Variants in CUL1 observed in about 807,000 individuals in gnomAD.
CUL1 encodes the protein cullin 1.
CUL1 carries 24 observed loss-of-function variants against 118.0 expected under a neutral mutation model. That is an observed-to-expected ratio of 0.20 (90% confidence interval 0.15 to 0.29). The LOEUF (loss-of-function observed/expected upper bound fraction) is 0.29, where lower values mean the gene tolerates loss of function less well. Ranked by LOEUF, CUL1 falls within the 10% of genes least tolerant of loss-of-function variation. The pLI, the probability that CUL1 is intolerant of heterozygous loss-of-function variation, is 1.00. For missense variants in CUL1, 361 were observed against 933.8 expected (o/e 0.39, Z 7.99); for synonymous variants, 332 against 340.4 (o/e 0.98, Z 0.27).
chr7:148,701,232 C>G (rs546468804), intron 1 of CUL1, among the ~76,000 whole-genome samples: 2 of 152,166 alleles, frequency 1.3e-5, no homozygotes, highest in East Asian at 1.9e-4. Flanking sequence ...ACAGAAAACA[C>G]AGTCGTTGTG....
At chr7:148,739,102 TCA>T (rs1199640928) in intron 2 of CUL1, among the ~76,000 whole-genome samples, 1 of 152,196 alleles carries the variant, frequency 6.6e-6, no homozygotes, top group Non-Finnish European at 1.5e-5. Flanking sequence ...TACATCCGTT[TCA>T]CAGTCCTTCC....
intron 2 of CUL1, among the ~76,000 whole-genome samples, chr7:148,746,134 G>T (rs1584786277): frequency 6.6e-6 from 1 of 151,682 alleles, no homozygotes; most frequent in Non-Finnish European, 1.5e-5. Flanking sequence ...GGGGGAGGAA[G>T]TAATGGTGGG....
chr7:148,790,625 G>A (rs1235774606), intron 16 of CUL1, among the ~76,000 whole-genome samples, 184 bp downstream of exon 16: 1 of 152,208 alleles, frequency 6.6e-6, no homozygotes, highest in South Asian at 2.1e-4. Context: ...TCTGGCTGGG[G>A]AGCAAGTTAT....
At chr7:148,766,451 A>T (rs1800010817) in intron 7 of CUL1, 110 bp from the exon 8 acceptor site, 4 of 912,636 alleles carry the variant, frequency 4.4e-6, no homozygotes, top group Non-Finnish European at 6.5e-6. Flanking sequence ...TAGAGCTGGC[A>T]TGTGAATTTA....
intron 1 of CUL1, among the ~76,000 whole-genome samples, chr7:148,699,539 T>C (rs970295462): frequency 3.9e-5 from 6 of 152,138 alleles, no homozygotes; most frequent in Non-Finnish European, 7.4e-5. Flanking sequence ...TGTTCCCCTG[T>C]GAGCTCTGGG....
intron 1 of CUL1, among the ~76,000 whole-genome samples, chr7:148,723,436 C>T (rs1202854269): frequency 6.6e-6 from 1 of 152,144 alleles, no homozygotes; most frequent in Non-Finnish European, 1.5e-5. Flanking sequence ...CAACTGCCCT[C>T]CTGTAGAGCT....
At chr7:148,799,056 A>G (rs1801303737) in intron 20 of CUL1, among the ~76,000 whole-genome samples, 1 of 152,132 alleles carries the variant, frequency 6.6e-6, no homozygotes, top group African/African-American at 2.4e-5. Context: ...AAATTGCTCA[A>G]AAGACCCAAA....
Position 148,759,552 on chromosome 7 carries a change from CA to C in CUL1, c.542del (p.Asn181MetfsTer4). The C allele has an allele frequency of 6.3e-7, 1 of 1,597,712 alleles. No individual in the cohort carries two copies. The highest frequency in any genetic ancestry group is 1.3e-5 in the African/African-American group (1 of 74,404). ...CLFRPLNKQV[T>X]NAVLKLIEKE... ...TTTTCTACATCCTTTCTAAAGGTAA[CA>C]AATGCTGTTTTAAAGCTGATTGAAA... On this transcript the variant is annotated frameshift_variant, in exon 6 of 22. Transcript: ENST00000325222. LOFTEE classifies it high-confidence loss of function.
intron 1 of CUL1, among the ~76,000 whole-genome samples, chr7:148,699,907 G>A (rs1353346937): frequency 2.0e-5 from 3 of 152,136 alleles, no homozygotes; most frequent in Non-Finnish European, 4.4e-5. Context: ...CTCGGGGGTC[G>A]TCGCTTTTTT....
chr7:148,794,314 G>C (rs992559928), intron 17 of CUL1, among the ~76,000 whole-genome samples: 7 of 152,040 alleles, frequency 4.6e-5, no homozygotes, highest in Non-Finnish European at 1.0e-4. Context: ...TGCCTAGTCT[G>C]AGGCCAAGGA....
intron 4 of CUL1, among the ~76,000 whole-genome samples, chr7:148,758,944 T>A (rs993238318): frequency 2.6e-5 from 4 of 152,248 alleles, no homozygotes; most frequent in Non-Finnish European, 1.5e-5. Context: ...AGTGTAGGAA[T>A]CAGGATGGTC....
In CUL1 at chr7:148,759,607, A is replaced by G; in HGVS notation, c.594A>G (p.Thr198=). 2 of 1,609,872 alleles carry G rather than the reference A, an allele frequency of 1.2e-6. No individual in the cohort carries two copies. The highest frequency in any genetic ancestry group is 2.2e-5 in the South Asian group (2 of 90,496). Residue 198 remains threonine (T), a synonymous_variant, in exon 6 of 22, where the codon ACA becomes ACG. Coordinates refer to ENST00000325222, the MANE Select transcript of CUL1 (RefSeq NM_003592.3). ...AAAGGAATGGTGAAACCATCAATACAAGATTGATTAGTGGAGTTGTACAGT... is the reference window on the plus strand; with the variant it reads ...AAAGGAATGGTGAAACCATCAATACGAGATTGATTAGTGGAGTTGTACAGT... ...EKERNGETIN[T]RLISGVVQSY...
At chr7:148,783,353 C>G (rs1800709442) in intron 9 of CUL1, 2 of 985,450 alleles carry the variant, frequency 2.0e-6, no homozygotes, top group Non-Finnish European at 2.4e-6. Context: ...CGCCCTGAGC[C>G]CCGCTTTCCC....
At chr7:148,698,561 GC>G (rs1432075363), upstream of CUL1, 2 of 151,938 alleles carry the variant, frequency 1.3e-5, no homozygotes, top group African/African-American at 4.8e-5. Flanking sequence ...CCCCACGCGA[GC>G]GGGGGCCTCG....
chr7:148,700,496 A>T (rs1461963888), intron 1 of CUL1, among the ~76,000 whole-genome samples: 1 of 152,216 alleles, frequency 6.6e-6, no homozygotes, highest in Non-Finnish European at 1.5e-5. Context: ...TTTGAAAAAG[A>T]TATTTGGAGA....
At chr7:148,720,781 G>T (rs906550941) in intron 1 of CUL1, among the ~76,000 whole-genome samples, 2 of 152,214 alleles carry the variant, frequency 1.3e-5, no homozygotes, top group Admixed American at 1.3e-4. Context: ...GCTTGGAGTT[G>T]TCGTCGAGGG....
chr7:148,755,228 G>C (rs1376123305), intron 3 of CUL1, among the ~76,000 whole-genome samples: 2 of 152,088 alleles, frequency 1.3e-5, no homozygotes, highest in Non-Finnish European at 2.9e-5. Context: ...TTCATCCTTT[G>C]TAGCAAAGGC....
chr7:148,797,930 C>T lies in CUL1; in HGVS notation c.1948-7C>T. The T allele has an allele frequency of 6.2e-7, 1 of 1,612,122 alleles. No individual in the cohort carries two copies. Among genetic ancestry groups the T allele is most frequent in the Non-Finnish European group, 8.5e-7 (1 of 1,178,516 alleles). On this transcript the variant is annotated splice_region_variant and splice_polypyrimidine_tract_variant and intron_variant, in intron 18 of 21. Transcript: ENST00000325222. ...GAGATTGTAGAGTAACAATTGTTTTCTTACAGGTCTTGGAAGATGAAAATG... is the reference window on the plus strand; with the variant it reads ...GAGATTGTAGAGTAACAATTGTTTTTTTACAGGTCTTGGAAGATGAAAATG...
chr7:148,701,266 C>CT (rs1305169005), intron 1 of CUL1, among the ~76,000 whole-genome samples: 1 of 152,120 alleles, frequency 6.6e-6, no homozygotes, highest in East Asian at 1.9e-4. Flanking sequence ...AGAATTCAAG[C>CT]TTTATTATAC....
Sources: allele counts gnomAD v4.1 joint callset (sites outside exome capture counted in the v4.1 genomes callset), GRCh38; gene constraint gnomAD v4.1.1; transcripts MANE v1.5; gene names NCBI Gene and HGNC (gene_info 2026-07-23, HGNC 2026-07-21).